Variants in LRRC1 observed in about 807,000 individuals in gnomAD.
The protein encoded by LRRC1 is leucine-rich repeat-containing protein 1.
Under a neutral mutation model 69.9 loss-of-function variants are expected in LRRC1, and 28 were observed. That is an observed-to-expected ratio of 0.40 (90% CI 0.30 to 0.55). The LOEUF is 0.55. Ranked by LOEUF, LRRC1 falls within the 20% of genes least tolerant of loss-of-function variation. The pLI is 0.47. For missense variants in LRRC1, 498 were observed against 609.0 expected (o/e 0.82, Z 1.92); for synonymous variants, 236 against 240.2 (o/e 0.98, Z 0.16).
intron 11 of LRRC1, chr6:53,919,221 TTCTC>T (rs200770019): frequency 9.7e-6 from 1 of 103,428 alleles, no homozygotes; most frequent in African/African-American, 3.3e-5. Flanking sequence ...TCCTGTAATT[TTCTC>T]TCTCTTTTTT....
At chr6:53,880,950 G>A (rs192739677) in intron 3 of LRRC1, among the ~76,000 whole-genome samples, 55 of 152,228 alleles carry the variant, frequency 3.6e-4, no homozygotes, top group Admixed American at 6.5e-5. Context: ...ATTCAGTTGC[G>A]TATTCCTTTT....
intron 2 of LRRC1, among the ~76,000 whole-genome samples, chr6:53,872,773 T>TG (rs1766935327): frequency 6.7e-6 from 1 of 148,438 alleles, no homozygotes; most frequent in Non-Finnish European, 1.5e-5. Context: ...TTTTTTTTTT[T>TG]GGAGACAGAG....
chr6:53,844,901 A>G (rs1198431485), intron 2 of LRRC1, among the ~76,000 whole-genome samples: 1 of 152,146 alleles, frequency 6.6e-6, no homozygotes, highest in Non-Finnish European at 1.5e-5. Flanking sequence ...CCTGGAGGTT[A>G]TTAAAAGAAA....
intron 2 of LRRC1, among the ~76,000 whole-genome samples, chr6:53,859,652 T>C (rs1483707016): frequency 6.6e-6 from 1 of 152,124 alleles, no homozygotes; most frequent in African/African-American, 2.4e-5. Context: ...TGACCTGGAT[T>C]ACCAGGCCAT....
chr6:53,895,257 C>G (rs1046665240), intron 4 of LRRC1, among the ~76,000 whole-genome samples: 2 of 152,110 alleles, frequency 1.3e-5, no homozygotes, highest in Non-Finnish European at 2.9e-5. Context: ...AAGTTTTGTT[C>G]TTGCTTTAAG....
At chr6:53,863,188 T>G (rs1766587083) in intron 2 of LRRC1, among the ~76,000 whole-genome samples, 2 of 152,256 alleles carry the variant, frequency 1.3e-5, no homozygotes, top group South Asian at 4.1e-4. Context: ...TGGCCAGGTC[T>G]GGATTCATGG....
chr6:53,850,275 C>T, intron 2 of LRRC1, among the ~76,000 whole-genome samples: 1 of 152,156 alleles, frequency 6.6e-6, no homozygotes, highest in African/African-American at 2.4e-5. Context: ...GTGAAAAAGA[C>T]ATGAAAGAAG....
chr6:53,798,320 C>G (rs1018978286), intron 1 of LRRC1, among the ~76,000 whole-genome samples: 1 of 152,244 alleles, frequency 6.6e-6, no homozygotes, highest in South Asian at 2.1e-4. Flanking sequence ...CTAACAAAGG[C>G]AGTCTCACTG....
intron 1 of LRRC1, among the ~76,000 whole-genome samples, chr6:53,800,313 G>A (rs1266259266): frequency 2.2e-5 from 3 of 137,840 alleles, no homozygotes; most frequent in African/African-American, 5.5e-5. Context: ...GTGCAGTGGC[G>A]CGATCTCAGC....
intron 2 of LRRC1, 67 bp downstream of exon 2, chr6:53,842,294 T>C (rs114565431): frequency 5.6e-6 from 6 of 1,070,402 alleles, no homozygotes; most frequent in Admixed American, 5.5e-5. Context: ...TTAGTAAATA[T>C]AGCTACGAGT....
At chr6:53,921,301 T>C (rs1316666578) in intron 13 of LRRC1, among the ~76,000 whole-genome samples, 1 of 152,170 alleles carries the variant, frequency 6.6e-6, no homozygotes, top group Non-Finnish European at 1.5e-5. Context: ...TTTATGGTGC[T>C]TCTTTTTCTT....
intron 1 of LRRC1, among the ~76,000 whole-genome samples, chr6:53,800,219 C>G (rs377247554): frequency 6.7e-6 from 1 of 150,068 alleles, no homozygotes; most frequent in Non-Finnish European, 1.5e-5. Context: ...TGGCAAGATC[C>G]GTTTATTTTA....
At chr6:53,883,733 C>A (rs1767375922) in intron 4 of LRRC1, among the ~76,000 whole-genome samples, 1 of 152,148 alleles carries the variant, frequency 6.6e-6, no homozygotes, top group South Asian at 2.1e-4. Context: ...ACTTGTCTAC[C>A]CTAACCTGGT....
chr6:53,897,707 G>T lies in LRRC1; in HGVS notation c.642+348G>T, dbSNP rs76173199. On this transcript the variant is annotated intron_variant, in intron 7 of 13. Transcript: ENST00000370888. ...ATGGTATACCTTTCCGCCACTCCAT[G>T]ATGTGCCAAGTGCTTTGGGATAATT... 3.2e-3 allele frequency among the ~76,000 whole-genome samples: 480 copies of T among 152,258 alleles called. 7 individuals carry two copies. In the East Asian group the frequency reaches 0.041, roughly 13 times the overall value.
At chr6:53,825,271 G>A (rs1214952801) in intron 1 of LRRC1, among the ~76,000 whole-genome samples, 2 of 152,156 alleles carry the variant, frequency 1.3e-5, no homozygotes, top group African/African-American at 4.8e-5. Flanking sequence ...TGTGCACTTT[G>A]GATGTTTTTG....
At chr6:53,872,718 G>C (rs927484787) in intron 2 of LRRC1, among the ~76,000 whole-genome samples, 3 of 150,388 alleles carry the variant, frequency 2.0e-5, no homozygotes, top group African/African-American at 7.3e-5. Flanking sequence ...GATTGCTTTG[G>C]GTAGTATAGA....
intron 2 of LRRC1, among the ~76,000 whole-genome samples, chr6:53,876,295 G>T (rs1767066740): frequency 6.6e-6 from 1 of 151,592 alleles, no homozygotes; most frequent in Non-Finnish European, 1.5e-5. Flanking sequence ...CCATGATTCA[G>T]TTACCTCCTA....
intron 11 of LRRC1, among the ~76,000 whole-genome samples, chr6:53,918,041 C>T (rs1768625053): frequency 6.6e-6 from 1 of 152,250 alleles, no homozygotes; most frequent in Non-Finnish European, 1.5e-5. Context: ...TGTGAATCTG[C>T]TGTTCCCTGA....
chr6:53,896,071 A>G (rs2127435427), intron 4 of LRRC1, among the ~76,000 whole-genome samples: 1 of 152,350 alleles, frequency 6.6e-6, no homozygotes, highest in East Asian at 1.9e-4. Flanking sequence ...GATACTGGGA[A>G]GAAGAGCTCT....
Sources: gnomAD v4.1 joint callset for allele counts (sites outside exome capture counted in the v4.1 genomes callset) on GRCh38, gnomAD v4.1.1 for gene constraint, MANE v1.5 for transcripts, NCBI Gene and HGNC (gene_info 2026-07-23, HGNC 2026-07-21) for gene names.